The following PPP2R2B variants were observed in gnomAD, a reference collection of about 807,000 sequenced individuals.
PPP2R2B encodes the protein serine/threonine-protein phosphatase 2A 55 kDa regulatory subunit B beta isoform.
In PPP2R2B, 5 loss-of-function variants were observed where a neutral mutation model predicts 46.0. That is an observed-to-expected ratio of 0.11 (90% CI 0.06 to 0.23). The LOEUF is 0.23. PPP2R2B is among the 10% of genes least tolerant of loss of function. PPP2R2B has a pLI of 1.00. For missense variants in PPP2R2B, 367 were observed against 575.0 expected (o/e 0.64, Z 3.70); for synonymous variants, 215 against 206.7 (o/e 1.04, Z -0.34).
chr5:147,056,044 G>A, upstream of PPP2R2B: 1 of 1,173,534 alleles, frequency 8.5e-7, no homozygotes, highest in Non-Finnish European at 1.1e-6. Context: ...AGTCAGTCCT[G>A]CCTGTAAACA....
chr5:147,046,154 G>A (rs1311328816), intron 1 of PPP2R2B, among the ~76,000 whole-genome samples: 2 of 152,086 alleles, frequency 1.3e-5, no homozygotes, highest in Non-Finnish European at 2.9e-5. Flanking sequence ...ACACATAATA[G>A]AGATGTTCTT....
rs1414877634 is a variant in PPP2R2B, at chr5:146,723,852, G to T, written c.71-22710C>A. On this transcript the variant is annotated intron_variant, in intron 2 of 9. Transcript: ENST00000394411. Reference sequence around the variant, plus strand: ...TACAAAAGCTCCTCCCCCTCTTGGAGGGCCAGGACAAATTCATCCATACAA... The same window carrying T: ...TACAAAAGCTCCTCCCCCTCTTGGATGGCCAGGACAAATTCATCCATACAA... 2.0e-5 allele frequency among the ~76,000 whole-genome samples: 3 copies of T among 152,116 alleles called. 1 individual carries two copies. The East Asian group carries it at 5.8e-4, about 29-fold the overall frequency.
chr5:146,791,597 ACACT>A (rs369201418), intron 2 of PPP2R2B, among the ~76,000 whole-genome samples: 17 of 152,094 alleles, frequency 1.1e-4, no homozygotes, highest in African/African-American at 4.1e-4. Flanking sequence ...TACTCTCTTC[ACACT>A]CACTCCTCAA....
intron 1 of PPP2R2B, among the ~76,000 whole-genome samples, chr5:146,933,737 T>C (rs1193664973): frequency 2.0e-5 from 3 of 151,596 alleles, no homozygotes; most frequent in South Asian, 4.2e-4. Flanking sequence ...ATTGTGCAGG[T>C]TCGTTACATA....
chr5:146,877,940 A>G (rs1761995621), intron 2 of PPP2R2B, 62 bp downstream of exon 2: 2 of 1,559,202 alleles, frequency 1.3e-6, no homozygotes, highest in Admixed American at 1.7e-5. Flanking sequence ...CTGCCCAGGA[A>G]GCACAGTGAT....
intron 1 of PPP2R2B, among the ~76,000 whole-genome samples, chr5:146,896,426 A>G (rs1163951332): frequency 1.3e-5 from 2 of 152,202 alleles, no homozygotes; most frequent in Non-Finnish European, 2.9e-5. Context: ...CTACTCAATA[A>G]TGATTCCACT....
At chr5:146,821,561 GC>G (rs1488625640) in intron 2 of PPP2R2B, among the ~76,000 whole-genome samples, 2 of 152,166 alleles carry the variant, frequency 1.3e-5, no homozygotes, top group Admixed American at 6.5e-5. Context: ...AACAGCACAG[GC>G]TTTGGGGGCA....
At chr5:146,625,038 C>T (rs1456148463) in intron 7 of PPP2R2B, among the ~76,000 whole-genome samples, 1 of 152,184 alleles carries the variant, frequency 6.6e-6, no homozygotes, top group African/African-American at 2.4e-5. Flanking sequence ...TTTCCTAGTG[C>T]CTGGAACAGT....
chr5:146,913,878 C>T (rs558066323), intron 1 of PPP2R2B, among the ~76,000 whole-genome samples: 7 of 152,258 alleles, frequency 4.6e-5, no homozygotes, highest in Middle Eastern at 3.4e-3. Context: ...TAAAATGGAC[C>T]TAGCTCAGTG....
Position 146,941,517 on chromosome 5 carries a change from G to C in PPP2R2B, c.79+114148C>G, listed in dbSNP as rs1764323080. On this transcript the variant is annotated intron_variant, in intron 1 of 8. Transcript: ENST00000336640. ...AAAATGATGCTTCTGTTGCTTAGGG[G>C]TGTGTTCAGAACCACATCAGCATTT... Among the ~76,000 whole-genome samples the C allele has an allele frequency of 2.0e-5, 3 of 152,240 alleles. No individual in the cohort carries two copies. The South Asian group carries it at 6.2e-4, about 32-fold the overall frequency.
At chr5:146,720,419 G>A (rs1319484775) in intron 2 of PPP2R2B, among the ~76,000 whole-genome samples, 3 of 152,094 alleles carry the variant, frequency 2.0e-5, no homozygotes, top group Non-Finnish European at 2.9e-5. Flanking sequence ...TTAGACTGAG[G>A]GTAGAGGATA....
chr5:147,022,233 T>C lies in PPP2R2B; in HGVS notation c.79+33432A>G, dbSNP rs1268040383. On this transcript the variant is annotated intron_variant, in intron 1 of 8. Transcript: ENST00000336640. ...GGAGTTCTAGAAAGAGAGTAAAGCG[T>C]GGGCAGAAAAAATATTTATAGAAAT... Among the ~76,000 whole-genome samples, 3 of 152,002 alleles carry C rather than the reference T, an allele frequency of 2.0e-5. No homozygotes were observed. In the East Asian group the frequency reaches 5.8e-4, roughly 29 times the overall value.
chr5:146,790,465 G>C (rs187669117), intron 2 of PPP2R2B, among the ~76,000 whole-genome samples: 3 of 152,168 alleles, frequency 2.0e-5, no homozygotes, highest in East Asian at 3.9e-4. Flanking sequence ...GGGTTGGCAC[G>C]GGTGAGGGCA....
At chr5:146,919,927 C>T (rs1345997405) in intron 1 of PPP2R2B, 1 of 151,856 alleles carries the variant, frequency 6.6e-6, no homozygotes, top group Admixed American at 6.6e-5. Flanking sequence ...ATGGCAGCCA[C>T]TGATATAGCT....
chr5:146,723,930 TA>T (rs1257441341), intron 2 of PPP2R2B, among the ~76,000 whole-genome samples: 1 of 152,288 alleles, frequency 6.6e-6, no homozygotes, highest in Admixed American at 6.5e-5. Flanking sequence ...AACCTTTGAC[TA>T]TTTTGTCTGT....
At chr5:146,672,805 G>A (rs565888327) in intron 5 of PPP2R2B, among the ~76,000 whole-genome samples, 1 of 152,156 alleles carries the variant, frequency 6.6e-6, no homozygotes, top group Non-Finnish European at 1.5e-5. Flanking sequence ...AACTCTCTCC[G>A]ACGATTTATT....
chr5:146,791,965 A>C (rs1261173002), intron 2 of PPP2R2B, among the ~76,000 whole-genome samples: 2 of 152,154 alleles, frequency 1.3e-5, no homozygotes, highest in Non-Finnish European at 2.9e-5. Context: ...GAATATAGGG[A>C]ATAGATTTAG....
intron 1 of PPP2R2B, among the ~76,000 whole-genome samples, chr5:147,023,354 G>A (rs1755377010): frequency 6.6e-6 from 1 of 151,862 alleles, no homozygotes; most frequent in South Asian, 2.1e-4. Flanking sequence ...GAAGAAGCAA[G>A]GAACAAAAAG....
At chr5:146,776,437 C>A (rs1006485006) in intron 2 of PPP2R2B, among the ~76,000 whole-genome samples, 9 of 151,920 alleles carry the variant, frequency 5.9e-5, no homozygotes, top group Admixed American at 1.3e-4. Context: ...TAGGAAAAAA[C>A]CAGACATCCA....
Sources: allele counts gnomAD v4.1 joint callset (sites outside exome capture counted in the v4.1 genomes callset), GRCh38; gene constraint gnomAD v4.1.1; transcripts MANE v1.5; gene names NCBI Gene and HGNC (gene_info 2026-07-23, HGNC 2026-07-21).